Variants in ST18 observed in about 807,000 individuals in gnomAD.
ST18 encodes the protein suppression of tumorigenicity 18 protein.
In ST18, 50 loss-of-function variants were observed where a neutral mutation model predicts 110.0. That is an observed-to-expected ratio of 0.45 (90% confidence interval 0.36 to 0.58). The LOEUF is 0.58. Among genes scored for constraint, ST18 ranks in the 20% least tolerant of loss-of-function variants. ST18 has a pLI of 0.00. For synonymous variants in ST18, 461 were observed against 452.4 expected, an observed-to-expected ratio of 1.02 and a Z score of -0.24; for missense variants, 1,306 against 1,280.1, an observed-to-expected ratio of 1.02 and a Z score of -0.31.
chr8:52,150,422 T>C (rs1159248773), intron 15 of ST18, among the ~76,000 whole-genome samples: 1 of 152,246 alleles, frequency 6.6e-6, no homozygotes, highest in East Asian at 1.9e-4. Flanking sequence ...CATGTATAAC[T>C]TTCCAACCCT....
intron 15 of ST18, among the ~76,000 whole-genome samples, chr8:52,155,216 T>A (rs2059738942): frequency 6.8e-6 from 1 of 147,282 alleles, no homozygotes; most frequent in African/African-American, 2.5e-5. Flanking sequence ...AAAAAAAAAA[T>A]TAAATTAAAT....
intron 16 of ST18, among the ~76,000 whole-genome samples, 165 bp from the exon 17 acceptor site, chr8:52,143,210 G>T (rs1170192108): frequency 6.6e-6 from 1 of 152,238 alleles, no homozygotes; most frequent in Non-Finnish European, 1.5e-5. Flanking sequence ...ATATAGGCCA[G>T]GCGAGGTGGC....
chr8:52,220,459 A>T (rs2086209945), intron 5 of ST18: 1 of 152,208 alleles, frequency 6.6e-6, no homozygotes, highest in South Asian at 2.1e-4. Flanking sequence ...TTTAACAATC[A>T]AACTTTCCTT....
chr8:52,225,104 A>G (rs1424053202), intron 3 of ST18, among the ~76,000 whole-genome samples: 1 of 152,250 alleles, frequency 6.6e-6, no homozygotes, highest in Non-Finnish European at 1.5e-5. Context: ...TAGGCATAAC[A>G]GTATTTGTAT....
At chr8:52,214,143 G>T in intron 7 of ST18, 60 bp downstream of exon 7, 1 of 1,524,882 alleles carries the variant, frequency 6.6e-7, no homozygotes, top group Non-Finnish European at 9.1e-7. Context: ...CTGAGCACTG[G>T]AACGCTCATA....
At chr8:52,361,194 A>G (rs1204241366) in intron 2 of ST18, among the ~76,000 whole-genome samples, 1 of 152,228 alleles carries the variant, frequency 6.6e-6, no homozygotes, top group Non-Finnish European at 1.5e-5. Flanking sequence ...TAGATATAGA[A>G]TCGATTAGCT....
At chr8:52,276,036 A>T (rs865923296) in intron 2 of ST18, among the ~76,000 whole-genome samples, 31 of 11,982 alleles carry the variant, frequency 2.6e-3, no homozygotes, top group African/African-American at 8.0e-3. Flanking sequence ...CACACACACC[A>T]CATGCACACT....
At chr8:52,358,874 C>G (rs1278202600) in intron 2 of ST18, among the ~76,000 whole-genome samples, 9 of 151,712 alleles carry the variant, frequency 5.9e-5, no homozygotes, top group Admixed American at 5.3e-4. Context: ...ATGAGGCCAG[C>G]CTTACCCTTA....
chr8:52,182,578 T>C (rs2070208923), intron 8 of ST18, among the ~76,000 whole-genome samples: 1 of 152,168 alleles, frequency 6.6e-6, no homozygotes, highest in Non-Finnish European at 1.5e-5. Context: ...ACACTATAAG[T>C]ATCTACAATA....
intron 2 of ST18, among the ~76,000 whole-genome samples, chr8:52,371,326 A>G (rs78031570): frequency 0.016 from 2,383 of 152,368 alleles, 56 homozygotes; most frequent in African/African-American, 0.054. Context: ...GCATATAGAA[A>G]GTGGCCAATA....
chr8:52,241,005 C>T (rs1162784438), intron 2 of ST18, among the ~76,000 whole-genome samples: 1 of 152,186 alleles, frequency 6.6e-6, no homozygotes, highest in Non-Finnish European at 1.5e-5. Flanking sequence ...TTATTTTTTC[C>T]TCTAAACAAC....
At chr8:52,212,215 T>C in intron 7 of ST18, 106 bp from the exon 8 acceptor site, 1 of 1,041,686 alleles carries the variant, frequency 9.6e-7, no homozygotes, top group Non-Finnish European at 1.4e-6. Context: ...AATAAGTTTC[T>C]CACTGGGTGG....
At chr8:52,303,186 G>T (rs961554154) in intron 2 of ST18, among the ~76,000 whole-genome samples, 1 of 152,132 alleles carries the variant, frequency 6.6e-6, no homozygotes, top group Non-Finnish European at 1.5e-5. Flanking sequence ...TGAAGTCAAG[G>T]TGTCAGCAGG....
At chr8:52,262,616 T>C (rs1283798574) in intron 2 of ST18, among the ~76,000 whole-genome samples, 1 of 152,256 alleles carries the variant, frequency 6.6e-6, no homozygotes, top group Admixed American at 6.5e-5. Flanking sequence ...CTTTTGTGTT[T>C]GTGTCGTTGT....
intron 3 of ST18, among the ~76,000 whole-genome samples, chr8:52,224,167 CTAGTTTT>C (rs2088247620): frequency 6.6e-6 from 1 of 152,102 alleles, no homozygotes; most frequent in Admixed American, 6.5e-5. Context: ...TCCCAAGTTT[CTAGTTTT>C]ATTTTTATAT....
chr8:52,347,840 C>T (rs1471199149), intron 2 of ST18, among the ~76,000 whole-genome samples: 1 of 152,202 alleles, frequency 6.6e-6, no homozygotes, highest in South Asian at 2.1e-4. Flanking sequence ...AGCATGTGCA[C>T]TTGATCAGTG....
chr8:52,180,219 C>T lies in ST18; in HGVS notation c.180G>A (p.Lys60=), dbSNP rs1241633852. The change falls in exon 9 of 26, where the codon AAG becomes AAA. Residue 60 remains lysine (K), a synonymous_variant. Coordinates refer to ENST00000689386, the MANE Select transcript of ST18 (RefSeq NM_001352837.2). Reference sequence around the variant, plus strand: ...CTGCTTTTGGGCTGTAGTGTCGGGGCTTCATTAGCAGGGATTTCCTTTTGT... The same window carrying T: ...CTGCTTTTGGGCTGTAGTGTCGGGGTTTCATTAGCAGGGATTTCCTTTTGT... ...PVNKRKSLLM[K]PRHYSPKADC... 6.2e-7 allele frequency: 1 copy of T among 1,614,146 alleles called. No individual in the cohort carries two copies. The highest frequency in any genetic ancestry group is 2.2e-5 in the East Asian group (1 of 44,876).
chr8:52,202,602 C>A (rs1476941331), intron 8 of ST18, among the ~76,000 whole-genome samples: 1 of 151,956 alleles, frequency 6.6e-6, no homozygotes. Context: ...TTGGGGAACA[C>A]AATGGGAAAA....
chr8:52,353,773 C>T (rs893754585), intron 2 of ST18, among the ~76,000 whole-genome samples: 3 of 152,120 alleles, frequency 2.0e-5, no homozygotes, highest in African/African-American at 4.8e-5. Context: ...GCATGGTGCC[C>T]GACCAAAAGG....
Sources: allele counts gnomAD v4.1 joint callset (sites outside exome capture counted in the v4.1 genomes callset), GRCh38; gene constraint gnomAD v4.1.1; transcripts MANE v1.5; gene names NCBI Gene and HGNC (gene_info 2026-07-23, HGNC 2026-07-21).